IRF1: variants seen among roughly 807,000 people sequenced by gnomAD.
IRF1 encodes the protein interferon regulatory factor 1, also known as interferon regulatory factor-1.
IRF1 carries 13 observed loss-of-function variants against 43.7 expected under a neutral mutation model. The ratio of observed to expected loss-of-function variants is 0.30; its 90% CI spans 0.19 to 0.47. The LOEUF (loss-of-function observed/expected upper bound fraction) is 0.47. IRF1 is among the 20% of genes least tolerant of loss of function. The pLI, the probability that IRF1 is intolerant of heterozygous loss-of-function variation, is 0.99. For synonymous variants in IRF1, 138 were observed against 146.8 expected, an observed-to-expected ratio of 0.94 and a Z score of 0.43; for missense variants, 236 against 408.9, an observed-to-expected ratio of 0.58 and a Z score of 3.65.
intron 3 of IRF1, 60 bp from the exon 4 acceptor site, chr5:132,487,190 C>G (rs1754556472): frequency 6.4e-7 from 1 of 1,567,406 alleles, no homozygotes; most frequent in Non-Finnish European, 8.7e-7. Context: ...CTCAGCTGCC[C>G]CTGGCCTGAA....
At chr5:132,486,090 T>A in intron 7 of IRF1, 161 bp downstream of exon 7, 1 of 934,528 alleles carries the variant, frequency 1.1e-6, no homozygotes, top group South Asian at 1.5e-5. Context: ...GCCTTCCTAG[T>A]GTCCCCGTCG....
chr5:132,490,416 CGCGGAGGCCCGG>C lies in IRF1; in HGVS notation c.-6+117_-6+128del, dbSNP rs1754688361. On this transcript the variant is annotated intron_variant, in intron 1 of 9. Coordinates refer to ENST00000245414, the MANE Select transcript of IRF1 (RefSeq NM_002198.3). The surrounding 1 kb of genome is among the most constrained non-coding windows in gnomAD (Gnocchi z 5.8). Reference sequence around the variant, plus strand: ...CTCCTCCGGCGCCCCCCGGAGCCCGCGCGGAGGCCCGGGCAACGCCGCGCGCCGGCGAGTCTC... The same window carrying C: ...CTCCTCCGGCGCCCCCCGGAGCCCGCGCAACGCCGCGCGCCGGCGAGTCTC... 6.7e-6 allele frequency: 1 copy of C among 149,958 alleles called. No homozygotes were observed. The highest frequency in any genetic ancestry group is 2.4e-5 in the African/African-American group (1 of 41,126). 9.3% of individuals were successfully genotyped at this position (149,958 alleles called of 1,614,324 possible).
intron 8 of IRF1, chr5:132,484,888 A>G (rs1754478489): frequency 6.0e-6 from 1 of 166,334 alleles, no homozygotes; most frequent in African/African-American, 2.4e-5. Flanking sequence ...TTTTTGGGCT[A>G]ATGGAACAGC....
At chr5:132,485,086 T>C (rs1053018886) in intron 8 of IRF1, 1 of 155,086 alleles carries the variant, frequency 6.4e-6, no homozygotes, top group Admixed American at 6.4e-5. Context: ...CTAATTTTTA[T>C]ATTTTTGGTA....
In IRF1 at chr5:132,489,491, G is replaced by T; in HGVS notation, c.-5-8C>A. 6.2e-7 allele frequency: 1 copy of T among 1,609,356 alleles called. No homozygotes were observed. The highest frequency in any genetic ancestry group is 1.1e-5 in the South Asian group (1 of 91,008). The stretch of plus-strand genomic sequence containing the variant: ...GAGTGATGGGCATGTTGGCTGTAAA[G>T]AGAACACAGAGGCTCCAGTCTGGAA... On this transcript the variant is annotated splice_region_variant and splice_polypyrimidine_tract_variant and intron_variant, in intron 1 of 9. Transcript: ENST00000245414.
In IRF1 at chr5:132,490,324, AGCCTCGTCCGGGTGGGCGGTCCAC is replaced by A. The variant is rs1754681584; in HGVS notation, c.-6+197_-6+220del. On this transcript the variant is annotated intron_variant, in intron 1 of 9. Coordinates refer to ENST00000245414, the MANE Select transcript of IRF1 (RefSeq NM_002198.3). This position sits in a 1 kb window ranked among gnomAD's most constrained non-coding sequence, Gnocchi z 5.8. ...TCTGCGAAAGCTGCCGGGCGCCGGC[AGCCTCGTCCGGGTGGGCGGTCCAC>A]GCCGCGTCCCGCCCTCCCCGCGCCG... The A allele has an allele frequency of 6.6e-6, 1 of 150,644 alleles. No homozygotes were observed. Among genetic ancestry groups the A allele is most frequent in the South Asian group, 2.1e-4 (1 of 4,808 alleles). The allele number at this position is 150,644 out of a possible 1,614,324, so 9.3% of individuals were successfully genotyped here. A position where few individuals can be genotyped will look rare whatever the true frequency, so the allele number is the denominator to read the frequency against.
chr5:132,485,752 T>C, intron 7 of IRF1, 36 bp from the exon 8 acceptor site: 1 of 1,548,924 alleles, frequency 6.5e-7, no homozygotes. Flanking sequence ...TGGCTGGCAG[T>C]CAGCCACACT....
At position 132,486,970 on chromosome 5, in the gene IRF1, G is replaced by A; in HGVS notation, c.348C>T (p.Thr116=). 1 of 1,614,168 alleles carries A rather than the reference G, an allele frequency of 6.2e-7. No individual in the cohort carries two copies. Among genetic ancestry groups the A allele is most frequent in the Middle Eastern group, 1.6e-4 (1 of 6,062 alleles). The change falls in exon 4 of 10, where the codon ACC becomes ACT. Residue 116 remains threonine, a synonymous_variant. Coordinates refer to ENST00000245414, the MANE Select transcript of IRF1 (RefSeq NM_002198.3). ...CTTGGATACCTTTTCTCTGGTTCTT[G>A]GTGAGAGGTGGAAGCATCCGGTACA... is the stretch of plus-strand genomic sequence containing the variant. ...VRVYRMLPPL[T]KNQRKERKSK... is the part of the protein sequence containing the mutation.
chr5:132,489,026 C>G (rs1426469953), intron 2 of IRF1: 19 of 216,348 alleles, frequency 8.8e-5, no homozygotes, highest in Admixed American at 8.7e-4. Context: ...CACGTTTCTG[C>G]CCAGCAGCAT....
rs951893306 is a variant in IRF1, at chr5:132,481,802, T to C, written c.*2149A>G. ...CCAGCACAGCAGCCGTGAGGACCTT[T>C]CTTGGGCTGCTGACTGTTCTGTCTG... On this transcript the variant is annotated 3_prime_UTR_variant, in exon 10 of 10. Transcript: ENST00000245414. The C allele has an allele frequency of 2.6e-5, 4 of 152,358 alleles. No homozygotes were observed. Among genetic ancestry groups the C allele is most frequent in the African/African-American group, 9.6e-5 (4 of 41,454 alleles). 9.4% of individuals were successfully genotyped at this position (152,358 alleles called of 1,614,324 possible).
chr5:132,483,807 A>T lies in IRF1; in HGVS notation c.*144T>A. The T allele has an allele frequency of 4.9e-6, 5 of 1,024,654 alleles. No homozygotes were observed. Among genetic ancestry groups the T allele is most frequent in the Non-Finnish European group, 7.1e-6 (5 of 705,286 alleles). 63.5% of individuals were successfully genotyped at this position (1,024,654 alleles called of 1,614,324 possible). On this transcript the variant is annotated 3_prime_UTR_variant, in exon 10 of 10. Transcript: ENST00000245414. ...CCAGGCCCTGAGAGGTCAATGACCC[A>T]AGGAGGGAGGCCCCATCCCCACTTG...
At chr5:132,486,759 G>A in intron 5 of IRF1, 36 bp downstream of exon 5, 2 of 1,614,226 alleles carry the variant, frequency 1.2e-6, no homozygotes, top group East Asian at 2.2e-5. Context: ...TGGCCCACAG[G>A]TGACCAAAGG....
intron 8 of IRF1, 140 bp downstream of exon 8, chr5:132,485,527 G>T: frequency 1.3e-6 from 1 of 777,472 alleles, no homozygotes; most frequent in Non-Finnish European, 2.3e-6. Context: ...CAAGCCACGT[G>T]AATGTGGCAC....
chr5:132,490,404 C>T lies in IRF1; in HGVS notation c.-6+141G>A, dbSNP rs946545841. 1 of 149,904 alleles carries T rather than the reference C, an allele frequency of 6.7e-6. No individual in the cohort carries two copies. Among genetic ancestry groups the T allele is most frequent in the African/African-American group, 2.4e-5 (1 of 41,124 alleles). The allele number at this position is 149,904 out of a possible 1,614,324, so 9.3% of individuals were successfully genotyped here. ...CGCGGCTCGCAGCTCCTCCGGCGCC[C>T]CCCGGAGCCCGCGCGGAGGCCCGGG... On this transcript the variant is annotated intron_variant, in intron 1 of 9. Coordinates refer to ENST00000245414, the MANE Select transcript of IRF1 (RefSeq NM_002198.3). This position sits in a 1 kb window ranked among gnomAD's most constrained non-coding sequence, Gnocchi z 5.8.
At chr5:132,487,252 G>T in intron 3 of IRF1, 122 bp from the exon 4 acceptor site, 1 of 962,882 alleles carries the variant, frequency 1.0e-6, no homozygotes, top group Non-Finnish European at 1.6e-6. Flanking sequence ...AGCCACAGTG[G>T]TCAAACCAGC....
chr5:132,484,142 C>T (rs1039526324), intron 9 of IRF1, 67 bp from the exon 10 acceptor site: 5 of 1,586,622 alleles, frequency 3.2e-6, no homozygotes, highest in Non-Finnish European at 4.3e-6. Flanking sequence ...TCCCCCTACC[C>T]CTGAAGGCCA....
chr5:132,489,649 A>C, intron 1 of IRF1, 166 bp from the exon 2 acceptor site: 1 of 561,144 alleles, frequency 1.8e-6, no homozygotes, highest in Non-Finnish European at 3.2e-6. Context: ...CTGCTCTCCA[A>C]ATTTTTTCAG....
rs1009066730 is a variant in IRF1, at chr5:132,490,324, AG to A, written c.-6+220del. 103 of 150,644 alleles carry A rather than the reference AG, an allele frequency of 6.8e-4. 1 individual carries two copies. Among genetic ancestry groups the A allele is most frequent in the African/African-American group, 2.3e-3 (95 of 41,196 alleles). The allele number at this position is 150,644 out of a possible 1,614,324, so 9.3% of individuals were successfully genotyped here. A position where few individuals can be genotyped will look rare whatever the true frequency, so the allele number is the denominator to read the frequency against. ...TCTGCGAAAGCTGCCGGGCGCCGGC[AG>A]CCTCGTCCGGGTGGGCGGTCCACGC... is the stretch of plus-strand genomic sequence containing the variant. On this transcript the variant is annotated intron_variant, in intron 1 of 9. Transcript: ENST00000245414. The surrounding 1 kb of genome is among the most constrained non-coding windows in gnomAD (Gnocchi z 5.8).
intron 2 of IRF1, 70 bp from the exon 3 acceptor site, chr5:132,488,095 G>GT: frequency 8.4e-7 from 1 of 1,187,352 alleles, no homozygotes; most frequent in Non-Finnish European, 1.2e-6. Context: ...CTGAGTCTGA[G>GT]ACCCAGGCCT....
Sources: gnomAD v4.1 joint callset for allele counts on GRCh38, gnomAD v4.1.1 for gene constraint, Gnocchi (gnomAD v3.1) non-coding constraint, MANE v1.5 for transcripts, NCBI Gene and HGNC (gene_info 2026-07-23, HGNC 2026-07-21) for gene names.